Variants in SENP7 observed in about 807,000 individuals in gnomAD.
SENP7 encodes the protein SUMO specific peptidase 7.
Under a neutral mutation model 141.2 loss-of-function variants are expected in SENP7, and 64 were observed. The observed-to-expected ratio is 0.45, with a 90% CI of 0.37 to 0.56. The LOEUF (loss-of-function observed/expected upper bound fraction) is 0.56, where lower values mean the gene tolerates loss of function less well. Ranked by LOEUF, SENP7 falls within the 20% of genes least tolerant of loss-of-function variation. The probability of loss-of-function intolerance (pLI) is 0.00; values close to 1 mark genes in which losing one functional copy is unlikely to be tolerated. For synonymous variants in SENP7, 382 were observed against 426.4 expected, an observed-to-expected ratio of 0.90 and a Z score of 1.28; for missense variants, 1,025 against 1,212.2, an observed-to-expected ratio of 0.85 and a Z score of 2.29.
intron 11 of SENP7, chr3:101,357,424 G>GA: frequency 2.2e-6 from 2 of 905,304 alleles, no homozygotes; most frequent in Non-Finnish European, 1.7e-6. Context: ...TGGAACAAGG[G>GA]AAAAAACCTT....
Position 101,432,594 on chromosome 3 carries a change from A to T in SENP7, c.285-14804T>A, listed in dbSNP as rs551493797. Among the ~76,000 whole-genome samples, 4 of 152,222 alleles carry T rather than the reference A, an allele frequency of 2.6e-5. No individual in the cohort carries two copies. In the East Asian group the frequency reaches 7.8e-4, roughly 30 times the overall value. ...CATCTTTAGGTGGCTTGGAATAGAG[A>T]CTGTATGTTTGGTAGAAAGTAAGGG... On this transcript the variant is annotated intron_variant, in intron 4 of 23. Transcript: ENST00000394095.
chr3:101,362,014 A>T (rs1188375871), intron 10 of SENP7, among the ~76,000 whole-genome samples, 153 bp from the exon 11 acceptor site: 1 of 151,966 alleles, frequency 6.6e-6, no homozygotes, highest in Non-Finnish European at 1.5e-5. Flanking sequence ...AGCTATCTAG[A>T]TTTTTTTTCT....
intron 3 of SENP7, among the ~76,000 whole-genome samples, chr3:101,478,026 A>C (rs1232523378): frequency 6.6e-6 from 1 of 152,102 alleles, no homozygotes; most frequent in Non-Finnish European, 1.5e-5. Flanking sequence ...CCTAATAAAC[A>C]AAATCAGAAA....
At chr3:101,509,449 TCCTC>T (rs2065761165) in intron 1 of SENP7, among the ~76,000 whole-genome samples, 1 of 152,180 alleles carries the variant, frequency 6.6e-6, no homozygotes, top group African/African-American at 2.4e-5. Context: ...TTTTTTACTC[TCCTC>T]CCTTTCTTCC....
intron 11 of SENP7, chr3:101,359,078 G>T (rs2059822646): frequency 6.6e-6 from 1 of 151,892 alleles, no homozygotes; most frequent in Admixed American, 6.6e-5. Flanking sequence ...TGAAACCCTA[G>T]AAATGTATAA....
chr3:101,441,242 G>A (rs933819163), intron 4 of SENP7, among the ~76,000 whole-genome samples: 1 of 152,134 alleles, frequency 6.6e-6, no homozygotes, highest in Non-Finnish European at 1.5e-5. Context: ...ACTCATTGCT[G>A]CCAGTGCCCA....
At chr3:101,376,927 A>G (rs2060353047) in intron 6 of SENP7, among the ~76,000 whole-genome samples, 1 of 152,222 alleles carries the variant, frequency 6.6e-6, no homozygotes, top group African/African-American at 2.4e-5. Context: ...ACTCTAAGGT[A>G]AAATGAACTA....
intron 4 of SENP7, among the ~76,000 whole-genome samples, chr3:101,446,889 T>G (rs1484523525): frequency 6.6e-6 from 1 of 151,552 alleles, no homozygotes; most frequent in Non-Finnish European, 1.5e-5. Context: ...CGAGAATTAG[T>G]AGGAGGAAAG....
chr3:101,364,970 T>C lies in SENP7; in HGVS notation c.1340A>G (p.Glu447Gly). 3 of 1,559,982 alleles carry C rather than the reference T, an allele frequency of 1.9e-6. No homozygotes were observed. The highest frequency in any genetic ancestry group is 2.6e-6 in the Non-Finnish European group (3 of 1,156,170). ...AEPIVVSSDEEGPVEHKSSEI... is the reference protein window; with the variant it reads ...AEPIVVSSDEGGPVEHKSSEI... Reference sequence around the variant, plus strand: ...TGAACTTTTATGTTCAACAGGTCCTTCTTCATCACTGGAAACAACAACTAA... The same window carrying C: ...TGAACTTTTATGTTCAACAGGTCCTCCTTCATCACTGGAAACAACAACTAA... Residue 447 changes from glutamate (E) to glycine (G), a missense_variant, in exon 10 of 24, where the codon GAA (glutamate) becomes GGA (glycine). Glu to Gly is a moderately conservative substitution (Grantham distance 98). This residue lies in a region of SENP7 where 6 missense variants were observed against 21.1 expected (regional missense o/e 0.28). Transcript: ENST00000394095.
At chr3:101,412,327 T>A (rs1486290073) in intron 5 of SENP7, among the ~76,000 whole-genome samples, 1 of 152,098 alleles carries the variant, frequency 6.6e-6, no homozygotes, top group East Asian at 1.9e-4. Context: ...AAATATACCT[T>A]CTAAATCAGC....
At chr3:101,454,489 C>T (rs1301777158) in intron 4 of SENP7, among the ~76,000 whole-genome samples, 2 of 151,438 alleles carry the variant, frequency 1.3e-5, no homozygotes, top group Non-Finnish European at 2.9e-5. Context: ...CCAGCCTGGG[C>T]AACAAAGTGA....
rs563281627 is a variant in SENP7 at position 101,390,219 on chromosome 3, C to CAAA, written c.677+8639_677+8641dup. 4.6e-3 allele frequency among the ~76,000 whole-genome samples: 342 copies of CAAA among 73,784 alleles called. 4 individuals carry two copies. Among genetic ancestry groups the CAAA allele is most frequent in the African/African-American group, 0.018 (323 of 17,460 alleles). The allele number at this position is 73,784 out of a possible 152,430, so 48.4% of individuals were successfully genotyped here. A position where few individuals can be genotyped will look rare whatever the true frequency, so the allele number is the denominator to read the frequency against. On this transcript the variant is annotated intron_variant, in intron 6 of 23. Transcript: ENST00000394095. ...TGGGCAACAGAGCGAGACTCTGTCTCAAAAAAAAAAAAAAAAAAAAAAAAC... is the reference window on the plus strand; with the variant it reads ...TGGGCAACAGAGCGAGACTCTGTCTCAAAAAAAAAAAAAAAAAAAAAAAAAAAC...
chr3:101,499,535 A>ATTTTTTTTTTTTTTTTTTTTTTTTTTT lies in SENP7; in HGVS notation c.90+1534_90+1535insAAAAAAAAAAAAAAAAAAAAAAAAAAA, dbSNP rs55855998. Among the ~76,000 whole-genome samples the ATTTTTTTTTTTTTTTTTTTTTTTTTTT allele has an allele frequency of 3.7e-4, 51 of 138,764 alleles. 1 individual carries two copies. Among genetic ancestry groups the ATTTTTTTTTTTTTTTTTTTTTTTTTTT allele is most frequent in the Middle Eastern group, 7.6e-3 (2 of 262 alleles). The allele number at this position is 138,764 out of a possible 152,430, so 91.0% of individuals were successfully genotyped here. On this transcript the variant is annotated intron_variant, in intron 2 of 23. Coordinates refer to ENST00000394095, the MANE Select transcript of SENP7 (RefSeq NM_020654.5). ...AGGCACCTGCCATCATGCCCAGCTA[A>ATTTTTTTTTTTTTTTTTTTTTTTTTTT]TTTTTTTTTTTTTTCTTGGAGACAG...
chr3:101,385,076 C>T (rs1231798297), intron 6 of SENP7, among the ~76,000 whole-genome samples: 2 of 152,174 alleles, frequency 1.3e-5, no homozygotes, highest in Non-Finnish European at 2.9e-5. Flanking sequence ...ATCGTAACAC[C>T]TAATCTTGTT....
intron 23 of SENP7, among the ~76,000 whole-genome samples, chr3:101,327,328 T>C (rs1165773541): frequency 3.3e-5 from 5 of 152,074 alleles, no homozygotes; most frequent in Non-Finnish European, 7.4e-5. Context: ...AACTGAATCA[T>C]GGGGGCGGTT....
At chr3:101,372,183 G>T in intron 6 of SENP7, 57 bp from the exon 7 acceptor site, 3 of 849,032 alleles carry the variant, frequency 3.5e-6, no homozygotes, top group Non-Finnish European at 5.3e-6. Context: ...GAATTTAGAA[G>T]CCAACTAGCA....
intron 11 of SENP7, among the ~76,000 whole-genome samples, chr3:101,356,126 ATAAT>A (rs1390011213): frequency 3.9e-5 from 6 of 152,136 alleles, no homozygotes; most frequent in Admixed American, 6.5e-5. Flanking sequence ...ACTTTTAACT[ATAAT>A]TAATCATTCC....
chr3:101,394,572 G>A (rs2060910948), intron 6 of SENP7, among the ~76,000 whole-genome samples: 1 of 151,888 alleles, frequency 6.6e-6, no homozygotes, highest in Admixed American at 6.6e-5. Flanking sequence ...GAGTGCAGTG[G>A]CGCAATCTCG....
At chr3:101,427,591 C>T (rs954818526) in intron 4 of SENP7, among the ~76,000 whole-genome samples, 11 of 151,906 alleles carry the variant, frequency 7.2e-5, no homozygotes, top group African/African-American at 1.9e-4. Flanking sequence ...TCTGTGGGAC[C>T]TGGCAAAATG....
Sources: allele counts gnomAD v4.1 joint callset (sites outside exome capture counted in the v4.1 genomes callset), GRCh38; gene constraint gnomAD v4.1.1; regional missense constraint gnomAD v4.1.1; transcripts MANE v1.5; gene names NCBI Gene and HGNC (gene_info 2026-07-23, HGNC 2026-07-21).